The following SIPA1L3 variants were observed in gnomAD, a reference collection of about 807,000 sequenced individuals.
SIPA1L3 encodes the protein signal induced proliferation associated 1 like 3.
A neutral mutation model predicts 150.1 loss-of-function variants in SIPA1L3; 59 were observed. The ratio of observed to expected loss-of-function variants is 0.39; its 90% confidence interval spans 0.32 to 0.49. The LOEUF is 0.49. Among genes scored for constraint, SIPA1L3 ranks in the 20% least tolerant of loss-of-function variants. SIPA1L3 has a pLI of 0.86. For synonymous variants in SIPA1L3, 1,070 were observed against 1,077.6 expected, an observed-to-expected ratio of 0.99 and a Z score of 0.14; for missense variants, 2,211 against 2,489.5, an observed-to-expected ratio of 0.89 and a Z score of 2.38.
At chr19:38,058,197 G>T (rs1186921698) in intron 2 of SIPA1L3, among the ~76,000 whole-genome samples, 1 of 152,140 alleles carries the variant, frequency 6.6e-6, no homozygotes, top group East Asian at 1.9e-4. Context: ...TTTGATTATG[G>T]TGTTGAGCAA....
At chr19:37,968,888 G>A (rs2046928499) in intron 1 of SIPA1L3, among the ~76,000 whole-genome samples, 1 of 152,352 alleles carries the variant, frequency 6.6e-6, no homozygotes, top group Non-Finnish European at 1.5e-5. Context: ...ACCAGGGAGG[G>A]GAAGGTGGTC....
chr19:38,180,636 C>T (rs1415370080), intron 15 of SIPA1L3, among the ~76,000 whole-genome samples: 8 of 151,400 alleles, frequency 5.3e-5, no homozygotes, highest in Admixed American at 6.6e-5. Context: ...CTCCGCCTCC[C>T]GGGTTCAAGC....
chr19:37,972,585 T>TC (rs1419486799), intron 1 of SIPA1L3, among the ~76,000 whole-genome samples: 1 of 152,070 alleles, frequency 6.6e-6, no homozygotes, highest in Non-Finnish European at 1.5e-5. Context: ...GCACCTGTAG[T>TC]CCCAGCTACT....
chr19:37,930,291 C>T (rs1411500414), intron 1 of SIPA1L3, among the ~76,000 whole-genome samples: 4 of 150,420 alleles, frequency 2.7e-5, no homozygotes, highest in African/African-American at 4.9e-5. Flanking sequence ...GGATTACAGG[C>T]GTGAGCCACC....
chr19:38,177,695 T>C (rs981871547), intron 15 of SIPA1L3, among the ~76,000 whole-genome samples: 1 of 152,032 alleles, frequency 6.6e-6, no homozygotes, highest in African/African-American at 2.4e-5. Flanking sequence ...TAAACAGAGA[T>C]TGACCTTTGC....
intron 9 of SIPA1L3, among the ~76,000 whole-genome samples, chr19:38,120,923 A>G (rs1056987852): frequency 2.0e-5 from 3 of 152,256 alleles, no homozygotes; most frequent in Non-Finnish European, 4.4e-5. Flanking sequence ...AGTTCAGAGC[A>G]CAAGATCTAG....
At chr19:37,931,667 T>C (rs1288003342) in intron 1 of SIPA1L3, among the ~76,000 whole-genome samples, 1 of 152,166 alleles carries the variant, frequency 6.6e-6, no homozygotes, top group African/African-American at 2.4e-5. Context: ...GGAGAATCCC[T>C]TGAATCCAGA....
At chr19:38,060,971 C>A (rs1469925287) in intron 2 of SIPA1L3, among the ~76,000 whole-genome samples, 2 of 151,898 alleles carry the variant, frequency 1.3e-5, no homozygotes, top group Non-Finnish European at 2.9e-5. Flanking sequence ...GGATTACAGG[C>A]GTGAGCCACC....
intron 12 of SIPA1L3, among the ~76,000 whole-genome samples, chr19:38,149,523 T>C (rs940618873): frequency 2.0e-5 from 3 of 152,202 alleles, no homozygotes; most frequent in Non-Finnish European, 2.9e-5. Context: ...GTATTACGAT[T>C]AGGTTTAGCT....
intron 17 of SIPA1L3, among the ~76,000 whole-genome samples, chr19:38,192,811 G>A (rs1420568521): frequency 6.6e-6 from 1 of 152,158 alleles, no homozygotes; most frequent in Non-Finnish European, 1.5e-5. Context: ...GTTTTGTGGG[G>A]ACTGAGGTGG....
chr19:38,000,117 T>C (rs1967746606), intron 1 of SIPA1L3, among the ~76,000 whole-genome samples: 1 of 144,470 alleles, frequency 6.9e-6, no homozygotes, highest in South Asian at 2.4e-4. Context: ...CAATTAATAG[T>C]GGCTATGACA....
In SIPA1L3 at chr19:38,092,556, G is replaced by C. The variant is rs1476439542; in HGVS notation, c.1665+3705G>C. ...ACCCCCAGCACCTACAAAACTAGCCGTGGGGGACTCTGATCCATCCCTGAT... is the reference window on the plus strand; with the variant it reads ...ACCCCCAGCACCTACAAAACTAGCCCTGGGGGACTCTGATCCATCCCTGAT... On this transcript the variant is annotated intron_variant, in intron 4 of 21. Coordinates refer to ENST00000222345, the MANE Select transcript of SIPA1L3 (RefSeq NM_015073.3). Among the ~76,000 whole-genome samples, 4 of 152,282 alleles carry C rather than the reference G, an allele frequency of 2.6e-5. 1 individual carries two copies. Among genetic ancestry groups the C allele is most frequent in the Admixed American group, 2.6e-4 (4 of 15,290 alleles).
In SIPA1L3 at chr19:38,206,416, A is replaced by G; in HGVS notation, c.*176A>G. Reference sequence around the variant, plus strand: ...GGGCTGTGAGTCAGGGTCAGCGCGCACAGCCCTCATGCCCCAGAGGGCGAA... The same window carrying G: ...GGGCTGTGAGTCAGGGTCAGCGCGCGCAGCCCTCATGCCCCAGAGGGCGAA... On this transcript the variant is annotated 3_prime_UTR_variant, in exon 22 of 22. Transcript: ENST00000222345. 1.4e-6 allele frequency: 1 copy of G among 698,490 alleles called. No individual in the cohort carries two copies. Among genetic ancestry groups the G allele is most frequent in the Middle Eastern group, 3.8e-4 (1 of 2,606 alleles). The allele number at this position is 698,490 out of a possible 1,614,324, so 43.3% of individuals were successfully genotyped here. A position where few individuals can be genotyped will look rare whatever the true frequency, so the allele number is the denominator to read the frequency against.
intron 2 of SIPA1L3, among the ~76,000 whole-genome samples, chr19:38,068,761 G>A (rs1201926723): frequency 1.3e-5 from 2 of 152,164 alleles, no homozygotes; most frequent in South Asian, 4.1e-4. Flanking sequence ...AGAGGCTGAG[G>A]TGGGAAGATT....
chr19:38,152,973 G>A lies in SIPA1L3; in HGVS notation c.3661+6G>A. 1 of 1,610,312 alleles carries A rather than the reference G, an allele frequency of 6.2e-7. No individual in the cohort carries two copies. Among genetic ancestry groups the A allele is most frequent in the South Asian group, 1.1e-5 (1 of 90,594 alleles). On this transcript the variant is annotated splice_donor_region_variant and intron_variant, in intron 13 of 21. Transcript: ENST00000222345. The stretch of plus-strand genomic sequence containing the variant: ...CATGGAACGCCAGAAGCCAGGTAGG[G>A]CCCCCACCAGCTGCTGCGCCCACCC...
intron 10 of SIPA1L3, among the ~76,000 whole-genome samples, chr19:38,136,165 A>AC (rs1770100801): frequency 9.5e-6 from 1 of 104,846 alleles, no homozygotes; most frequent in African/African-American, 4.2e-5. Context: ...CAGCCTGGGC[A>AC]AGAGAGTGAG....
At chr19:38,053,015 G>T (rs745461416) in intron 2 of SIPA1L3, among the ~76,000 whole-genome samples, 8 of 152,270 alleles carry the variant, frequency 5.3e-5, no homozygotes, top group Non-Finnish European at 1.2e-4. Flanking sequence ...AGAGGCCAGA[G>T]GAATGTTGTG....
chr19:38,193,370 G>T (rs1248492737), intron 17 of SIPA1L3, among the ~76,000 whole-genome samples, 167 bp from the exon 18 acceptor site: 5 of 135,592 alleles, frequency 3.7e-5, no homozygotes, highest in African/African-American at 1.1e-4. Context: ...GAAGGAGGGA[G>T]GGGGGAGGGA....
intron 1 of SIPA1L3, among the ~76,000 whole-genome samples, chr19:37,935,396 G>A (rs705494): frequency 0.29 from 44,560 of 152,066 alleles, 7,842 homozygotes; most frequent in East Asian, 0.6. Context: ...TTTAGTTAGG[G>A]ACTATGCTTG....
Sources: gnomAD v4.1 joint callset for allele counts (sites outside exome capture counted in the v4.1 genomes callset) on GRCh38, gnomAD v4.1.1 for gene constraint, MANE v1.5 for transcripts, NCBI Gene and HGNC (gene_info 2026-07-23, HGNC 2026-07-21) for gene names.